Variants in ZNF536 observed in about 807,000 individuals in gnomAD.
ZNF536 encodes the protein zinc finger protein 536.
A neutral mutation model predicts 84.5 loss-of-function variants in ZNF536; 13 were observed. The observed-to-expected ratio is 0.15, with a 90% confidence interval of 0.10 to 0.24. The LOEUF is 0.24. Among genes scored for constraint, ZNF536 ranks in the 10% least tolerant of loss-of-function variants. The probability of loss-of-function intolerance (pLI) is 1.00; values close to 1 mark genes in which losing one functional copy is unlikely to be tolerated. For missense variants in ZNF536, 1,536 were observed against 1,747.5 expected (o/e 0.88, Z 2.16); for synonymous variants, 811 against 742.5 (o/e 1.09, Z -1.50).
chr19:30,713,354 A>G (rs1014202716), exon 2 of ZNF536: 2 of 152,078 alleles, frequency 1.3e-5, no homozygotes, highest in African/African-American at 4.8e-5. Flanking sequence ...ATTCCTACGC[A>G]AAGAAAAAAA....
intron 1 of ZNF536, among the ~76,000 whole-genome samples, chr19:30,269,211 G>GCCA (rs2025685144): frequency 6.6e-6 from 1 of 152,172 alleles, no homozygotes; most frequent in Non-Finnish European, 1.5e-5. Flanking sequence ...CAGGAACCCT[G>GCCA]CCACCTGCCT....
At chr19:30,430,396 C>A (rs1270836522) in intron 1 of ZNF536, among the ~76,000 whole-genome samples, 2 of 152,056 alleles carry the variant, frequency 1.3e-5, no homozygotes, top group Non-Finnish European at 2.9e-5. Flanking sequence ...TGGGGGGGAC[C>A]CTGGTGAAGC....
At chr19:30,435,380 A>G (rs1421479054) in intron 1 of ZNF536, among the ~76,000 whole-genome samples, 2 of 145,564 alleles carry the variant, frequency 1.4e-5, no homozygotes, top group African/African-American at 2.6e-5. Flanking sequence ...GATGATGATG[A>G]TGATGGTGTG....
At chr19:30,638,343 A>G (rs2049146452) in intron 1 of ZNF536, among the ~76,000 whole-genome samples, 1 of 152,292 alleles carries the variant, frequency 6.6e-6, no homozygotes, top group African/African-American at 2.4e-5. Flanking sequence ...AAAGAGTTTG[A>G]ATTGGCTCAC....
rs2146235424 is a variant in ZNF536, at chr19:30,549,066, C to G, written c.3447C>G (p.Ile1149Met). 6.2e-7 allele frequency: 1 copy of G among 1,614,196 alleles called. No individual in the cohort carries two copies. The highest frequency in any genetic ancestry group is 8.5e-7 in the Non-Finnish European group (1 of 1,180,038). Residue 1149 changes from isoleucine to methionine, a missense_variant, in exon 4 of 5, where the codon ATC becomes ATG. Around this residue, in one of 8 missense-constraint regions of ZNF536, gnomAD observed 624 missense variants for 603.1 expected, o/e 1.03. Transcript: ENST00000355537. The stretch of plus-strand genomic sequence containing the variant: ...CTGAAGAGGATGTCCCCATCCTGAT[C>G]CCCGAAACCACGAGTAAGAACACTA... Reference protein sequence around the residue: ...AHSEEDVPILIPETTSKNTTD... With the variant: ...AHSEEDVPILMPETTSKNTTD...
intron 2 of ZNF536, among the ~76,000 whole-genome samples, chr19:30,458,270 G>A (rs144787227): frequency 2.6e-5 from 4 of 151,798 alleles, no homozygotes; most frequent in African/African-American, 9.7e-5. Flanking sequence ...TAGAAGATTC[G>A]GAGACGCCTC....
At chr19:30,663,615 C>G (rs1161365481) in intron 1 of ZNF536, among the ~76,000 whole-genome samples, 4 of 152,186 alleles carry the variant, frequency 2.6e-5, no homozygotes, top group African/African-American at 9.7e-5. Context: ...TGTTTCTAAT[C>G]TATTTTTACT....
At chr19:30,446,672 C>T (rs181419993) in intron 2 of ZNF536, among the ~76,000 whole-genome samples, 6 of 152,236 alleles carry the variant, frequency 3.9e-5, no homozygotes, top group African/African-American at 9.6e-5. Context: ...GAAACACAGA[C>T]GCATGACTGT....
intron 1 of ZNF536, among the ~76,000 whole-genome samples, chr19:30,617,461 C>A (rs1408164453): frequency 6.8e-6 from 1 of 147,554 alleles, no homozygotes; most frequent in Non-Finnish European, 1.5e-5. Flanking sequence ...CACCATTCTC[C>A]TGCCTCAGCC....
At chr19:30,461,150 G>T (rs769539645) in intron 2 of ZNF536, among the ~76,000 whole-genome samples, 3 of 152,178 alleles carry the variant, frequency 2.0e-5, no homozygotes, top group Non-Finnish European at 4.4e-5. Context: ...CCCTCCCAGA[G>T]ATTCCCAGAG....
chr19:30,230,315 A>G (rs2022936311), intron 1 of ZNF536, among the ~76,000 whole-genome samples: 1 of 152,234 alleles, frequency 6.6e-6, no homozygotes, highest in Admixed American at 6.5e-5. Context: ...CTTTCACCCT[A>G]AACTGGGTTT....
chr19:30,353,572 A>T (rs2048003115), intron 3 of ZNF536, among the ~76,000 whole-genome samples: 1 of 152,030 alleles, frequency 6.6e-6, no homozygotes, highest in Admixed American at 6.6e-5. Context: ...GGTCTCCCCT[A>T]GGCATGGTGA....
In ZNF536 at chr19:30,445,206, C is replaced by T. The variant is rs767809463; in HGVS notation, c.1644C>T (p.His548=). The T allele has an allele frequency of 3.7e-6, 6 of 1,614,060 alleles. No homozygotes were observed. The highest frequency in any genetic ancestry group is 1.3e-5 in the African/African-American group (1 of 74,924). ...LSKEHPLQRN[H]EDTLANAGVL... ...AAGAGCATCCGCTGCAGCGCAACCACGAAGACACTTTGGCAAACGCCGGGG... is the reference window on the plus strand; with the variant it reads ...AAGAGCATCCGCTGCAGCGCAACCATGAAGACACTTTGGCAAACGCCGGGG... Residue 548 remains histidine, a synonymous_variant, in exon 2 of 5, where the codon CAC becomes CAT. Transcript: ENST00000355537. This position sits in a 1 kb window ranked among gnomAD's most constrained non-coding sequence, Gnocchi z 4.5.
intron 1 of ZNF536, among the ~76,000 whole-genome samples, chr19:30,612,783 A>T (rs1339222933): frequency 6.6e-6 from 1 of 152,206 alleles, no homozygotes; most frequent in Admixed American, 6.5e-5. Context: ...TAGTTCAATG[A>T]TCAAAACTGG....
chr19:30,650,949 A>C (rs1438293060), intron 1 of ZNF536, among the ~76,000 whole-genome samples: 1 of 152,236 alleles, frequency 6.6e-6, no homozygotes, highest in Admixed American at 6.5e-5. Flanking sequence ...TTTCAAGACA[A>C]TATTGATGTC....
intron 1 of ZNF536, among the ~76,000 whole-genome samples, chr19:30,628,057 G>C (rs536875750): frequency 2.0e-5 from 3 of 152,224 alleles, no homozygotes; most frequent in Admixed American, 2.0e-4. Context: ...ACAGACAGAC[G>C]GGAATGCAGC....
chr19:30,537,781 A>G (rs575531321), intron 3 of ZNF536, among the ~76,000 whole-genome samples: 3 of 152,324 alleles, frequency 2.0e-5, no homozygotes, highest in Admixed American at 2.0e-4. Context: ...GAGAGACAAC[A>G]TAGGGCCATG....
chr19:30,518,932 G>A (rs896270483), intron 2 of ZNF536, among the ~76,000 whole-genome samples: 9 of 152,178 alleles, frequency 5.9e-5, no homozygotes, highest in Non-Finnish European at 7.3e-5. Context: ...AAACATCCCG[G>A]GAGCAGCACG....
intron 2 of ZNF536, among the ~76,000 whole-genome samples, chr19:30,510,077 G>A (rs2055347735): frequency 6.6e-6 from 1 of 152,142 alleles, no homozygotes; most frequent in Admixed American, 6.5e-5. Flanking sequence ...GGAAGTGTCC[G>A]GGGGCAGCCT....
Sources: allele counts gnomAD v4.1 joint callset (sites outside exome capture counted in the v4.1 genomes callset), GRCh38; gene constraint gnomAD v4.1.1; regional missense constraint gnomAD v4.1.1; non-coding constraint Gnocchi (gnomAD v3.1); transcripts MANE v1.5; gene names NCBI Gene and HGNC (gene_info 2026-07-23, HGNC 2026-07-21).